The following IFT140 variants were observed in gnomAD, a reference collection of about 807,000 sequenced individuals.
IFT140 encodes the protein intraflagellar transport protein 140 homolog.
IFT140 carries 133 observed loss-of-function variants against 164.6 expected under a neutral mutation model. That is an observed-to-expected ratio of 0.81 (90% CI 0.70 to 0.93). The LOEUF (loss-of-function observed/expected upper bound fraction) is 0.93. Among genes scored for constraint, IFT140 ranks in the 40% least tolerant of loss-of-function variants. The pLI is 0.00. For synonymous variants in IFT140, 860 were observed against 817.3 expected, an observed-to-expected ratio of 1.05 and a Z score of -0.89; for missense variants, 2,045 against 1,972.3, an observed-to-expected ratio of 1.04 and a Z score of -0.70.
At chr16:1,511,583 A>G (rs987082022) in intron 30 of IFT140, among the ~76,000 whole-genome samples, 8 of 145,340 alleles carry the variant, frequency 5.5e-5, no homozygotes, top group African/African-American at 1.0e-4. Context: ...TGGCTTGGGT[A>G]TTTTTTTTTT....
chr16:1,582,659 T>C (rs773993408), intron 12 of IFT140, among the ~76,000 whole-genome samples: 4 of 152,238 alleles, frequency 2.6e-5, no homozygotes, highest in African/African-American at 4.8e-5. Flanking sequence ...ATCACACCAC[T>C]TTGGGAGGCC....
At chr16:1,610,217 C>T (rs1308409546) in intron 2 of IFT140, 1 of 154,940 alleles carries the variant, frequency 6.5e-6, no homozygotes, top group Admixed American at 6.5e-5. Flanking sequence ...GCGCAGGGTC[C>T]TCGCTGCATC....
chr16:1,518,198 G>C lies in IFT140; in HGVS notation c.4182+18C>G, dbSNP rs371900494. 5.3e-5 allele frequency: 84 copies of C among 1,596,912 alleles called. No homozygotes were observed. The highest frequency in any genetic ancestry group is 6.9e-5 in the Non-Finnish European group (81 of 1,173,788). On this transcript the variant is annotated intron_variant, in intron 30 of 30. Transcript: ENST00000426508. Reference sequence around the variant, plus strand: ...TTGTGTGGCGGGATGCTGCTAGTGAGCAGCACTCAGGCCTCACCGTCTGGT... The same window carrying C: ...TTGTGTGGCGGGATGCTGCTAGTGACCAGCACTCAGGCCTCACCGTCTGGT...
chr16:1,537,281 G>A (rs921066258), intron 19 of IFT140, among the ~76,000 whole-genome samples: 6 of 152,212 alleles, frequency 3.9e-5, no homozygotes, highest in African/African-American at 9.6e-5. Flanking sequence ...GGCCACCCTC[G>A]GGGTTTCCGG....
At chr16:1,586,073 G>A (rs2034859854) in intron 10 of IFT140, 57 bp downstream of exon 10, 2 of 1,599,210 alleles carry the variant, frequency 1.3e-6, no homozygotes, top group Admixed American at 3.3e-5. Context: ...GCCCGGCCAT[G>A]GTCTCCACTT....
rs774887102 is a variant in IFT140 at position 1,580,797 on chromosome 16, T to C, written c.1486A>G (p.Thr496Ala). Reference sequence around the variant, plus strand: ...ACTTGAACTCGGTTTGACTCCACCGTGTAAACGTTTTCTTCATGCATTGCT... The same window carrying C: ...ACTTGAACTCGGTTTGACTCCACCGCGTAAACGTTTTCTTCATGCATTGCT... ...VLAMHEENVY[T>A]VESNRVQVRT... Residue 496 changes from threonine to alanine, a missense_variant, in exon 13 of 31, where the codon ACG becomes GCG. Physicochemically the swap from Thr to Ala is moderately conservative, Grantham distance 58. Transcript: ENST00000426508. The C allele has an allele frequency of 5.6e-6, 9 of 1,614,040 alleles. No homozygotes were observed. In the South Asian group the frequency reaches 6.6e-5, roughly 12 times the overall value.
At chr16:1,566,140 C>T in intron 16 of IFT140, 21 bp downstream of exon 16, 1 of 1,606,980 alleles carries the variant, frequency 6.2e-7, no homozygotes. Context: ...CCAACAAAAT[C>T]CTCCTGAACC....
chr16:1,558,078 C>G lies in IFT140; in HGVS notation c.2256G>C (p.Gln752His). The G allele has an allele frequency of 1.2e-6, 2 of 1,614,176 alleles. No homozygotes were observed. The highest frequency in any genetic ancestry group is 1.7e-6 in the Non-Finnish European group (2 of 1,180,036). Residue 752 changes from glutamine (Q) to histidine (H), a missense_variant, in exon 19 of 31, where the codon CAG becomes CAC. By Grantham distance (24) the Gln-to-His change is conservative. Coordinates refer to ENST00000426508, the MANE Select transcript of IFT140 (RefSeq NM_014714.4). ...EVEPGCHHIP[Q>H]MVSRRPLRDF... ...CTCGCAGGGGTCTCCTGGACACCAT[C>G]TGAGGGATGTGGTGGCACCCAGGCT...
intron 3 of IFT140, among the ~76,000 whole-genome samples, chr16:1,603,601 C>T (rs1430151635): frequency 4.6e-5 from 7 of 152,186 alleles, no homozygotes; most frequent in African/African-American, 1.7e-4. Flanking sequence ...TCTCCTGCCT[C>T]AGCCTCCCAA....
intron 13 of IFT140, among the ~76,000 whole-genome samples, 178 bp from the exon 14 acceptor site, chr16:1,571,712 G>C (rs1018688397): frequency 2.0e-5 from 3 of 152,228 alleles, no homozygotes; most frequent in African/African-American, 7.2e-5. Context: ...GGCTCAGAGT[G>C]TGCCCAGCAC....
chr16:1,554,789 C>T, intron 19 of IFT140: 1 of 1,614,180 alleles, frequency 6.2e-7, no homozygotes, highest in Non-Finnish European at 8.5e-7. Context: ...CAGGTTTTGT[C>T]CTGGTCATCG....
At chr16:1,594,226 G>GTT (rs57833692) in intron 4 of IFT140, among the ~76,000 whole-genome samples, 12 of 144,474 alleles carry the variant, frequency 8.3e-5, no homozygotes, top group South Asian at 2.2e-4. Flanking sequence ...AAAGTTTTTT[G>GTT]TTTTTTTTTT....
intron 19 of IFT140, among the ~76,000 whole-genome samples, chr16:1,540,629 T>G (rs992878794): frequency 6.6e-6 from 1 of 152,210 alleles, no homozygotes; most frequent in African/African-American, 2.4e-5. Flanking sequence ...CACAGGGACC[T>G]GCTCCTGAGC....
chr16:1,528,335 G>A (rs973258267), intron 19 of IFT140, among the ~76,000 whole-genome samples: 1 of 103,330 alleles, frequency 9.7e-6, no homozygotes, highest in African/African-American at 4.2e-5. Flanking sequence ...ACGCACGTGT[G>A]CACACACACG....
intron 24 of IFT140, 30 bp downstream of exon 24, chr16:1,524,522 C>G: frequency 2.5e-6 from 4 of 1,608,416 alleles, no homozygotes; most frequent in Non-Finnish European, 2.5e-6. Context: ...CCTCGAGAAG[C>G]GCCGGCTCCC....
chr16:1,526,846 C>A, intron 19 of IFT140, 50 bp from the exon 20 acceptor site: 1 of 1,546,742 alleles, frequency 6.5e-7, no homozygotes, highest in East Asian at 2.3e-5. Flanking sequence ...CCTCAGGGCC[C>A]CCTGGCCCTA....
In IFT140 at chr16:1,568,232, G is replaced by A. The variant is rs1353664310; in HGVS notation, c.1755C>T (p.Ser585=). ...GTGGCCTCACCTTGCTGGGGAGGATGCTGATGGTGCTCCCGCTGCTGCTGC... is the reference window on the plus strand; with the variant it reads ...GTGGCCTCACCTTGCTGGGGAGGATACTGATGGTGCTCCCGCTGCTGCTGC... ...LRCSSSGSTI[S]ILPSKADNSP... The change falls in exon 15 of 31, where the codon AGC becomes AGT. Residue 585 remains serine, a synonymous_variant. Transcript: ENST00000426508. 1.9e-6 allele frequency: 3 copies of A among 1,603,926 alleles called. No homozygotes were observed. The highest frequency in any genetic ancestry group is 2.7e-5 in the African/African-American group (2 of 74,870).
chr16:1,593,757 T>C (rs1296113441), intron 4 of IFT140, among the ~76,000 whole-genome samples: 1 of 152,030 alleles, frequency 6.6e-6, no homozygotes. Flanking sequence ...GCTGCCGGCA[T>C]TGTCACTGCC....
intron 19 of IFT140, among the ~76,000 whole-genome samples, chr16:1,535,212 G>A (rs1395194994): frequency 6.6e-6 from 1 of 152,166 alleles, no homozygotes; most frequent in African/African-American, 2.4e-5. Flanking sequence ...ACGCTGGAAA[G>A]GAGACAGGGA....
Sources: allele counts gnomAD v4.1 joint callset (sites outside exome capture counted in the v4.1 genomes callset), GRCh38; gene constraint gnomAD v4.1.1; transcripts MANE v1.5; gene names NCBI Gene and HGNC (gene_info 2026-07-23, HGNC 2026-07-21).